The following TNKS variants were observed in gnomAD, a reference collection of about 807,000 sequenced individuals.
The protein encoded by TNKS is tankyrase, also known as poly [ADP-ribose] polymerase tankyrase-1.
Under a neutral mutation model 135.8 loss-of-function variants are expected in TNKS, and 72 were observed. The ratio of observed to expected loss-of-function variants is 0.53; its 90% CI spans 0.44 to 0.64. The LOEUF (loss-of-function observed/expected upper bound fraction) is 0.64, where lower values mean the gene tolerates loss of function less well. TNKS is among the 30% of genes least tolerant of loss of function. The probability of loss-of-function intolerance (pLI) is 0.00; values close to 1 mark genes in which losing one functional copy is unlikely to be tolerated. For synonymous variants in TNKS, 849 were observed against 649.3 expected (o/e 1.31, Z -4.68); for missense variants, 1,769 against 1,674.0 (o/e 1.06, Z -0.99).
intron 2 of TNKS, among the ~76,000 whole-genome samples, chr8:9,581,093 T>C (rs1585193137): frequency 6.6e-6 from 1 of 152,170 alleles, no homozygotes. Context: ...TGTTTAGCCA[T>C]GGCAGGTTGA....
chr8:9,736,484 T>C (rs1235502424), intron 17 of TNKS, among the ~76,000 whole-genome samples: 1 of 151,992 alleles, frequency 6.6e-6, no homozygotes, highest in Admixed American at 6.6e-5. Context: ...CCCACGCCTA[T>C]GTCCTGAATG....
intron 5 of TNKS, among the ~76,000 whole-genome samples, chr8:9,702,947 C>A (rs556123869): frequency 6.6e-6 from 1 of 150,948 alleles, no homozygotes. Flanking sequence ...ACCCGGGAGG[C>A]GGAGGTGGCA....
chr8:9,577,337 G>A (rs766954714), intron 1 of TNKS, among the ~76,000 whole-genome samples: 2 of 151,974 alleles, frequency 1.3e-5, no homozygotes, highest in African/African-American at 2.4e-5. Context: ...TGGTAAAAAT[G>A]TTTTTATAAT....
chr8:9,563,724 G>A (rs1043907583), intron 1 of TNKS, among the ~76,000 whole-genome samples: 12 of 151,660 alleles, frequency 7.9e-5, no homozygotes, highest in African/African-American at 1.5e-4. Flanking sequence ...TATCATTCTC[G>A]TATTCTCTTT....
chr8:9,584,611 C>G (rs900171530), intron 2 of TNKS, among the ~76,000 whole-genome samples: 5 of 152,156 alleles, frequency 3.3e-5, no homozygotes, highest in Non-Finnish European at 5.9e-5. Flanking sequence ...CTGTTACTTG[C>G]AAATTAGTAT....
intron 2 of TNKS, among the ~76,000 whole-genome samples, chr8:9,598,749 A>C (rs28380342): frequency 2.6e-4 from 23 of 89,292 alleles, no homozygotes; most frequent in East Asian, 7.6e-4. Context: ...GTGTGTATAT[A>C]TGTATATGTG....
chr8:9,647,399 A>G lies in TNKS; in HGVS notation c.994+31722A>G, dbSNP rs144472358. Among the ~76,000 whole-genome samples, 22 of 152,322 alleles carry G rather than the reference A, an allele frequency of 1.4e-4. No individual in the cohort carries two copies. The East Asian group carries it at 4.2e-3, about 29-fold the overall frequency. On this transcript the variant is annotated intron_variant, in intron 3 of 26. Coordinates refer to ENST00000310430, the MANE Select transcript of TNKS (RefSeq NM_003747.3). ...GCTCTTACATGACCCAGCAGTAACT[A>G]GAGAGTGAAATTGAATAAGATCATT...
chr8:9,760,456 T>G (rs7842564), intron 20 of TNKS, among the ~76,000 whole-genome samples: 46,635 of 152,092 alleles, frequency 0.31, 7,503 homozygotes, highest in East Asian at 0.42. Context: ...AATTTGTCAG[T>G]TTTTTAAATG....
chr8:9,692,236 A>G (rs540466986), intron 5 of TNKS, among the ~76,000 whole-genome samples: 1 of 152,224 alleles, frequency 6.6e-6, no homozygotes, highest in African/African-American at 2.4e-5. Context: ...CTGTTTTCCC[A>G]TCGTTGTGTT....
At position 9,771,390 on chromosome 8, in the gene TNKS, A is replaced by G. The variant is rs1285248533; in HGVS notation, c.3897+1128A>G. On this transcript the variant is annotated intron_variant, in intron 26 of 26. Transcript: ENST00000310430. ...AGGAAGGGAGGGAGGGAAAGAGAGA[A>G]AGGGAGGGAAAGAAAGGGAGACAGA... 5.0e-4 allele frequency among the ~76,000 whole-genome samples: 36 copies of G among 71,598 alleles called. 1 individual carries two copies. The highest frequency in any genetic ancestry group is 1.5e-3 in the East Asian group (3 of 2,004). 47.0% of individuals were successfully genotyped at this position (71,598 alleles called of 152,430 possible).
At chr8:9,635,795 G>A (rs1800487461) in intron 3 of TNKS, among the ~76,000 whole-genome samples, 1 of 152,164 alleles carries the variant, frequency 6.6e-6, no homozygotes. Flanking sequence ...GAAATAGCCT[G>A]TATTTTTAAA....
In TNKS at chr8:9,730,920, A is replaced by T; in HGVS notation, c.2032A>T (p.Arg678Ter). ...TTGCAGCTCTCAAAATGTGAATTGT[A>T]GAGACTTAGAGGGCCGGCATTCCAC... The part of the protein sequence containing the change: ...QLCSSQNVNC[R>*]DLEGRHSTPL... Residue 678 changes from arginine (R) to a stop codon, truncating the protein, a stop_gained, in exon 14 of 27, where the codon AGA becomes TGA. Coordinates refer to ENST00000310430, the MANE Select transcript of TNKS (RefSeq NM_003747.3). LOFTEE classifies it high-confidence loss of function. The T allele has an allele frequency of 6.2e-7, 1 of 1,613,810 alleles. No individual in the cohort carries two copies. Among genetic ancestry groups the T allele is most frequent in the Non-Finnish European group, 8.5e-7 (1 of 1,179,872 alleles).
At chr8:9,572,361 CTT>C (rs1797787303) in intron 1 of TNKS, among the ~76,000 whole-genome samples, 1 of 152,156 alleles carries the variant, frequency 6.6e-6, no homozygotes, top group Non-Finnish European at 1.5e-5. Flanking sequence ...TGTTGTTAGA[CTT>C]TGCTACAAAG....
chr8:9,574,606 C>G (rs1002329990), intron 1 of TNKS, among the ~76,000 whole-genome samples: 5 of 152,220 alleles, frequency 3.3e-5, no homozygotes, highest in African/African-American at 9.6e-5. Flanking sequence ...GAAACCCAAT[C>G]TTCTTACCCT....
At chr8:9,660,516 G>A (rs545541281) in intron 3 of TNKS, among the ~76,000 whole-genome samples, 63 of 152,208 alleles carry the variant, frequency 4.1e-4, no homozygotes, top group African/African-American at 1.4e-3. Flanking sequence ...ATGCAGAAAA[G>A]GCCTTTGACA....
chr8:9,660,040 G>C (rs1392352595), intron 3 of TNKS, among the ~76,000 whole-genome samples: 1 of 152,142 alleles, frequency 6.6e-6, no homozygotes, highest in South Asian at 2.1e-4. Context: ...GAACCAGGAA[G>C]AAGTTGAATC....
At position 9,556,106 on chromosome 8, in the gene TNKS, T is replaced by C. The variant is rs1203298855; in HGVS notation, c.167T>C (p.Phe56Ser). The change falls in exon 1 of 27, where the codon TTC becomes TCC. Residue 56 changes from phenylalanine (F) to serine (S), a missense_variant. Transcript: ENST00000310430. Reference sequence around the variant, plus strand: ...CCCACGGCCAGCGGCCTGGCCCCCTTCGCCTCCCCGCGGCACGGCCTAGCG... The same window carrying C: ...CCCACGGCCAGCGGCCTGGCCCCCTCCGCCTCCCCGCGGCACGGCCTAGCG... ...ASPTASGLAP[F>S]ASPRHGLALP... 1 of 1,600,914 alleles carries C rather than the reference T, an allele frequency of 6.2e-7. No individual in the cohort carries two copies. The highest frequency in any genetic ancestry group is 1.1e-5 in the South Asian group (1 of 89,558).
intron 3 of TNKS, among the ~76,000 whole-genome samples, chr8:9,669,130 A>G (rs2128791885): frequency 6.6e-6 from 1 of 152,284 alleles, no homozygotes; most frequent in African/African-American, 2.4e-5. Flanking sequence ...ATAAGAATGG[A>G]AAAAAGGGCC....
intron 3 of TNKS, among the ~76,000 whole-genome samples, chr8:9,654,213 A>G (rs944405857): frequency 2.0e-5 from 3 of 152,218 alleles, no homozygotes; most frequent in Non-Finnish European, 4.4e-5. Flanking sequence ...AGAGGAGAGC[A>G]ATTCCCCAAA....
Sources: allele counts gnomAD v4.1 joint callset (sites outside exome capture counted in the v4.1 genomes callset), GRCh38; gene constraint gnomAD v4.1.1; transcripts MANE v1.5; gene names NCBI Gene and HGNC (gene_info 2026-07-23, HGNC 2026-07-21).